Variants in NKAIN2 observed in about 807,000 individuals in gnomAD.
The protein encoded by NKAIN2 is sodium/potassium-transporting ATPase subunit beta-1-interacting protein 2.
A neutral mutation model predicts 32.6 loss-of-function variants in NKAIN2; 14 were observed. The ratio of observed to expected loss-of-function variants is 0.43; its 90% CI spans 0.28 to 0.67. The LOEUF (loss-of-function observed/expected upper bound fraction) is 0.67. Among genes scored for constraint, NKAIN2 ranks in the 30% least tolerant of loss-of-function variants. The pLI is 0.17. For missense variants in NKAIN2, 198 were observed against 258.3 expected (o/e 0.77, Z 1.60); for synonymous variants, 80 against 87.2 (o/e 0.92, Z 0.46).
intron 1 of NKAIN2, among the ~76,000 whole-genome samples, chr6:123,951,954 A>T (rs1777347447): frequency 6.8e-6 from 1 of 147,424 alleles, no homozygotes. Context: ...AACATTTGAA[A>T]TTTTTTCTTC....
chr6:124,287,944 A>G (rs1378253368), intron 2 of NKAIN2, among the ~76,000 whole-genome samples: 1 of 137,138 alleles, frequency 7.3e-6, no homozygotes, highest in African/African-American at 3.4e-5. Context: ...TGCCAAAAAT[A>G]AATTATTTCT....
rs776686711 is a variant in NKAIN2 at position 124,280,359 on chromosome 6, A to G, written c.55-2646A>G. Among the ~76,000 whole-genome samples the G allele has an allele frequency of 7.2e-5, 11 of 152,194 alleles. 1 individual carries two copies. Among genetic ancestry groups the G allele is most frequent in the Non-Finnish European group, 1.3e-4 (9 of 68,024 alleles). On this transcript the variant is annotated intron_variant, in intron 1 of 6. Coordinates refer to ENST00000368417, the MANE Select transcript of NKAIN2 (RefSeq NM_001040214.3). ...ATATTATATAATCAGCATGGTCTCT[A>G]CTATATAACCAACAAAAACAAAATC...
chr6:124,632,500 CTTCTAA>C (rs1390240309), intron 3 of NKAIN2, among the ~76,000 whole-genome samples: 2 of 152,106 alleles, frequency 1.3e-5, no homozygotes, highest in Admixed American at 1.3e-4. Flanking sequence ...GTGCCTTAAA[CTTCTAA>C]TTCTATTTTT....
chr6:124,465,714 T>C (rs6910988), intron 3 of NKAIN2, among the ~76,000 whole-genome samples: 67,426 of 151,566 alleles, frequency 0.44, 15,941 homozygotes, highest in South Asian at 0.59. Flanking sequence ...AACTACATGG[T>C]CACCTCCATT....
At chr6:124,334,580 C>T (rs944135171) in intron 2 of NKAIN2, among the ~76,000 whole-genome samples, 1 of 152,102 alleles carries the variant, frequency 6.6e-6, no homozygotes, top group African/African-American at 2.4e-5. Flanking sequence ...CCAGATAAGC[C>T]AGTTTATAGA....
intron 1 of NKAIN2, among the ~76,000 whole-genome samples, chr6:124,063,405 T>C (rs932277691): frequency 2.0e-5 from 3 of 152,098 alleles, no homozygotes; most frequent in Admixed American, 6.6e-5. Flanking sequence ...AATAGCTCTA[T>C]GTTGTTTAAA....
At chr6:124,506,470 C>G (rs1057002293) in intron 3 of NKAIN2, among the ~76,000 whole-genome samples, 1 of 152,214 alleles carries the variant, frequency 6.6e-6, no homozygotes, top group Non-Finnish European at 1.5e-5. Flanking sequence ...CCCGAACGGT[C>G]AGTGAGTTGA....
At chr6:124,692,388 TAAA>T (rs937663056) in intron 4 of NKAIN2, among the ~76,000 whole-genome samples, 12 of 152,158 alleles carry the variant, frequency 7.9e-5, no homozygotes, top group Admixed American at 7.9e-4. Context: ...TTTTGTTATA[TAAA>T]AATAAACAAA....
chr6:123,862,531 A>G (rs1775823508), intron 1 of NKAIN2, among the ~76,000 whole-genome samples: 1 of 151,900 alleles, frequency 6.6e-6, no homozygotes, highest in African/African-American at 2.4e-5. Context: ...TGCTGATTGA[A>G]CTCAAATGTA....
chr6:124,437,872 ATTTTT>A, intron 3 of NKAIN2: 6 of 342,690 alleles, frequency 1.8e-5, no homozygotes, highest in Admixed American at 3.9e-5. Flanking sequence ...TGATCTATTG[ATTTTT>A]TTTTTTTTTT....
At chr6:124,449,363 A>G (rs1189283179) in intron 3 of NKAIN2, among the ~76,000 whole-genome samples, 1 of 152,078 alleles carries the variant, frequency 6.6e-6, no homozygotes, top group Non-Finnish European at 1.5e-5. Context: ...CCACAGGGGC[A>G]AAAACATGCA....
At chr6:124,291,160 G>C (rs2114947174) in intron 2 of NKAIN2, among the ~76,000 whole-genome samples, 1 of 152,128 alleles carries the variant, frequency 6.6e-6, no homozygotes, top group African/African-American at 2.4e-5. Context: ...GCAGAATTCA[G>C]GGTTGAAAAT....
chr6:124,794,288 C>T (rs1779902852), intron 5 of NKAIN2, among the ~76,000 whole-genome samples: 1 of 152,130 alleles, frequency 6.6e-6, no homozygotes, highest in Non-Finnish European at 1.5e-5. Context: ...CCTCTCCGAC[C>T]TGGACACCTC....
At chr6:124,319,841 T>C (rs1797100724) in intron 2 of NKAIN2, among the ~76,000 whole-genome samples, 2 of 152,178 alleles carry the variant, frequency 1.3e-5, no homozygotes, top group Admixed American at 1.3e-4. Flanking sequence ...TAATTTCCAT[T>C]ATTCTGGATT....
At chr6:124,296,273 T>G (rs923349618) in intron 2 of NKAIN2, among the ~76,000 whole-genome samples, 3 of 152,142 alleles carry the variant, frequency 2.0e-5, no homozygotes, top group Admixed American at 6.6e-5. Context: ...AAAATTGAGG[T>G]TTATAAAGCA....
intron 1 of NKAIN2, among the ~76,000 whole-genome samples, chr6:124,048,153 C>A (rs547733315): frequency 5.9e-5 from 9 of 152,164 alleles, no homozygotes; most frequent in South Asian, 2.1e-4. Context: ...CCCTTGCACA[C>A]TGCCCCTCAT....
At chr6:124,689,698 A>G (rs1285626682) in intron 4 of NKAIN2, among the ~76,000 whole-genome samples, 2 of 152,062 alleles carry the variant, frequency 1.3e-5, no homozygotes, top group Non-Finnish European at 2.9e-5. Context: ...ATTGTTCCAA[A>G]TCCATTTGTG....
At chr6:124,464,956 G>A (rs181478388) in intron 3 of NKAIN2, among the ~76,000 whole-genome samples, 197 of 152,056 alleles carry the variant, frequency 1.3e-3, no homozygotes, top group African/African-American at 4.5e-3. Context: ...AATTACTTTG[G>A]ACAGTATGGC....
At chr6:124,235,783 G>T (rs1473958077) in intron 1 of NKAIN2, among the ~76,000 whole-genome samples, 1 of 151,854 alleles carries the variant, frequency 6.6e-6, no homozygotes, top group Non-Finnish European at 1.5e-5. Context: ...ATTTTTAGTA[G>T]AGACAGGGTT....
Sources: allele counts gnomAD v4.1 joint callset (sites outside exome capture counted in the v4.1 genomes callset), GRCh38; gene constraint gnomAD v4.1.1; transcripts MANE v1.5; gene names NCBI Gene and HGNC (gene_info 2026-07-23, HGNC 2026-07-21).